The following SLC6A19 variants were observed in gnomAD, a reference collection of about 807,000 sequenced individuals.
SLC6A19 encodes solute carrier family 6 member 19.
In SLC6A19, 67 loss-of-function variants were observed where a neutral mutation model predicts 68.3. That is an observed-to-expected ratio of 0.98 (90% CI 0.81 to 1.20). SLC6A19 has a LOEUF of 1.20. SLC6A19 is among the 50% of genes most tolerant of loss of function. SLC6A19 has a pLI of 0.00. For missense variants in SLC6A19, 813 were observed against 851.6 expected, an observed-to-expected ratio of 0.95 and a Z score of 0.56; for synonymous variants, 392 against 374.9, an observed-to-expected ratio of 1.05 and a Z score of -0.53.
rs748216009 is a variant in SLC6A19 at position 1,219,494 on chromosome 5, C to T, written c.1379-11C>T. On this transcript the variant is annotated splice_polypyrimidine_tract_variant and intron_variant, in intron 9 of 11. Coordinates refer to ENST00000304460, the MANE Select transcript of SLC6A19 (RefSeq NM_001003841.3). ...CTGGGCGTGTGAGCAGCTCTGTCCC[C>T]CGGCCTGCAGGCCTCATCTGCCTGG... is the stretch of plus-strand genomic sequence containing the variant. 18 of 1,609,982 alleles carry T rather than the reference C, an allele frequency of 1.1e-5. No homozygotes were observed. Among genetic ancestry groups the T allele is most frequent in the African/African-American group, 2.7e-5 (2 of 74,944 alleles).
At chr5:1,208,109 C>T (rs1207144150) in intron 1 of SLC6A19, among the ~76,000 whole-genome samples, 1 of 152,204 alleles carries the variant, frequency 6.6e-6, no homozygotes, top group Admixed American at 6.5e-5. Flanking sequence ...GTATTAAAGA[C>T]ATCCACAATG....
chr5:1,208,969 TG>T (rs1341276312), intron 2 of SLC6A19, 83 bp downstream of exon 2: 1 of 1,514,160 alleles, frequency 6.6e-7, no homozygotes, highest in Non-Finnish European at 8.8e-7. Flanking sequence ...GGGTTCGCCT[TG>T]CCGGCCTCGG....
At chr5:1,217,613 A>G (rs1746245180) in intron 8 of SLC6A19, among the ~76,000 whole-genome samples, 1 of 152,224 alleles carries the variant, frequency 6.6e-6, no homozygotes, top group South Asian at 2.1e-4. Flanking sequence ...AGCTGGAGCC[A>G]GGCAGAGGGC....
chr5:1,212,461 C>T lies in SLC6A19; in HGVS notation c.640C>T (p.Arg214Cys), dbSNP rs201070872. ...AWSVLYMCTI[R>C]GIETTGKAVY... is the part of the protein sequence containing the mutation. ...GAGCGTCCTGTACATGTGCACCATC[C>T]GCGGCATCGAGACCACCGGGAAGGT... is the stretch of plus-strand genomic sequence containing the variant. The change falls in exon 4 of 12, where the codon CGC becomes TGC. Residue 214 changes from arginine to cysteine, a missense_variant. Coordinates refer to ENST00000304460, the MANE Select transcript of SLC6A19 (RefSeq NM_001003841.3). This position sits in a 1 kb window ranked among gnomAD's most constrained non-coding sequence, Gnocchi z 5.1. The T allele has an allele frequency of 2.2e-5, 35 of 1,608,812 alleles. No homozygotes were observed. Among genetic ancestry groups the T allele is most frequent in the Middle Eastern group, 1.6e-4 (1 of 6,070 alleles).
Position 1,221,846 on chromosome 5 carries a change from A to G in SLC6A19, c.1847A>G (p.His616Arg), listed in dbSNP as rs776464735. ...AACCACTGCCAGAAGCCAGGGGACC[A>G]TCAGGGGCTGGTGAGCACACTGTCC... Reference protein sequence around the residue: ...IRNHCQKPGDHQGLVSTLSTA... With the variant: ...IRNHCQKPGDRQGLVSTLSTA... Residue 616 changes from histidine to arginine, a missense_variant, in exon 12 of 12, where the codon CAT becomes CGT. By Grantham distance (29) the His-to-Arg change is conservative (BLOSUM62 0). Transcript: ENST00000304460. The G allele has an allele frequency of 1.5e-5, 24 of 1,614,208 alleles. No individual in the cohort carries two copies. Among genetic ancestry groups the G allele is most frequent in the Non-Finnish European group, 2.0e-5 (24 of 1,180,038 alleles).
chr5:1,218,986 C>T lies in SLC6A19; in HGVS notation c.1257C>T (p.Leu419=), dbSNP rs1209428796. Residue 419 remains leucine, a synonymous_variant, in exon 9 of 12, where the codon CTC becomes CTT. Transcript: ENST00000304460. ...KMPLSPLWSV[L]FFIMLFCLGL... ...CGTTGTCCCCACTGTGGTCTGTGCT[C>T]TTCTTCATTATGCTCTTCTGCCTGG... 8 of 1,613,976 alleles carry T rather than the reference C, an allele frequency of 5.0e-6. No individual in the cohort carries two copies. Among genetic ancestry groups the T allele is most frequent in the Admixed American group, 1.7e-5 (1 of 60,008 alleles).
At chr5:1,205,144 G>GCCTCT (rs1745818650) in intron 1 of SLC6A19, among the ~76,000 whole-genome samples, 1 of 152,166 alleles carries the variant, frequency 6.6e-6, no homozygotes, top group South Asian at 2.1e-4. Flanking sequence ...TGGTTTCCAG[G>GCCTCT]GACCTTTGCA....
chr5:1,203,321 C>T (rs1482347255), intron 1 of SLC6A19, among the ~76,000 whole-genome samples: 2 of 152,190 alleles, frequency 1.3e-5, no homozygotes, highest in Non-Finnish European at 1.5e-5. Context: ...AGAGACCAGC[C>T]GCTGTGCACG....
chr5:1,222,019 G>C lies in SLC6A19; in HGVS notation c.*115G>C. On this transcript the variant is annotated 3_prime_UTR_variant, in exon 12 of 12. Coordinates refer to ENST00000304460, the MANE Select transcript of SLC6A19 (RefSeq NM_001003841.3). ...TGTGTGTAAGCGTGAGTGTATGCTC[G>C]TGTGTGAGTGTGTGTATTGTACACG... 1.8e-6 allele frequency: 2 copies of C among 1,102,434 alleles called. No homozygotes were observed. Among genetic ancestry groups the C allele is most frequent in the Non-Finnish European group, 2.6e-6 (2 of 757,036 alleles). 68.3% of individuals were successfully genotyped at this position (1,102,434 alleles called of 1,614,324 possible). A position where few individuals can be genotyped will look rare whatever the true frequency, so the allele number is the denominator to read the frequency against.
intron 1 of SLC6A19, among the ~76,000 whole-genome samples, chr5:1,207,133 AC>A (rs1488346965): frequency 6.6e-6 from 1 of 152,174 alleles, no homozygotes; most frequent in African/African-American, 2.4e-5. Context: ...CACGGCCTGC[AC>A]TCACCTCTGC....
intron 1 of SLC6A19, among the ~76,000 whole-genome samples, chr5:1,207,272 C>T (rs1375344320): frequency 6.6e-6 from 1 of 152,196 alleles, no homozygotes; most frequent in Non-Finnish European, 1.5e-5. Context: ...CCTTGGGCAC[C>T]GTCATGATGC....
chr5:1,202,639 G>A (rs1745741953), intron 1 of SLC6A19, among the ~76,000 whole-genome samples: 1 of 152,042 alleles, frequency 6.6e-6, no homozygotes. Flanking sequence ...AGGTCCAGGA[G>A]GGCCGGGCAC....
At chr5:1,213,271 C>T (rs1255938538) in intron 4 of SLC6A19, among the ~76,000 whole-genome samples, 192 bp from the exon 5 acceptor site, 2 of 32,534 alleles carry the variant, frequency 6.1e-5, no homozygotes. Context: ...CCCATCCCCA[C>T]CCCTCCCACA....
intron 9 of SLC6A19, 66 bp from the exon 10 acceptor site, chr5:1,219,439 C>A (rs1746302780): frequency 4.4e-6 from 7 of 1,595,364 alleles, no homozygotes; most frequent in South Asian, 1.1e-5. Context: ...GTTGTGTGAA[C>A]AGCTCTGTCC....
In SLC6A19 at chr5:1,213,508, T is replaced by C; in HGVS notation, c.709T>C (p.Phe237Leu). 1.9e-6 allele frequency: 3 copies of C among 1,600,870 alleles called. No homozygotes were observed. The highest frequency in any genetic ancestry group is 1.7e-5 in the Admixed American group (1 of 59,224). Residue 237 changes from phenylalanine to leucine, a missense_variant, in exon 5 of 12, where the codon TTC (phenylalanine) becomes CTC (leucine). Coordinates refer to ENST00000304460, the MANE Select transcript of SLC6A19 (RefSeq NM_001003841.3). ...GCTGCCCTATGTCGTCCTGACCATC[T>C]TCCTCATCCGAGGCCTGACGCTGAA... ...STLPYVVLTI[F>L]LIRGLTLKGA...
Position 1,214,286 on chromosome 5 carries a change from C to T in SLC6A19, c.887+221C>T, listed in dbSNP as rs765861234. On this transcript the variant is annotated intron_variant, in intron 6 of 11. Coordinates refer to ENST00000304460, the MANE Select transcript of SLC6A19 (RefSeq NM_001003841.3). This position sits in a 1 kb window ranked among gnomAD's most constrained non-coding sequence, Gnocchi z 7.4. ...CCTGTGAGGAGGGCCAGGAGCCGGG[C>T]GCCTGCAGCTTTCCCCACACCCGTC... Among the ~76,000 whole-genome samples the T allele has an allele frequency of 2.6e-4, 40 of 152,192 alleles. No individual in the cohort carries two copies. The highest frequency in any genetic ancestry group is 5.2e-4 in the Admixed American group (8 of 15,296).
intron 8 of SLC6A19, 124 bp downstream of exon 8, chr5:1,217,069 G>T: frequency 6.8e-7 from 1 of 1,464,870 alleles, no homozygotes; most frequent in Non-Finnish European, 9.4e-7. Flanking sequence ...GGGAGGCCCA[G>T]CTCCCACTGT....
At position 1,212,074 on chromosome 5, in the gene SLC6A19, G is replaced by T. The variant is rs1309300344; in HGVS notation, c.482-229G>T. ...GCATGTGCATGTGTGGGGTGTGCAG[G>T]TGCATGGACCAGATGTGCACACGAG... On this transcript the variant is annotated intron_variant, in intron 3 of 11. Transcript: ENST00000304460. This position sits in a 1 kb window ranked among gnomAD's most constrained non-coding sequence, Gnocchi z 5.1. Among the ~76,000 whole-genome samples, 4 of 150,818 alleles carry T rather than the reference G, an allele frequency of 2.7e-5. No individual in the cohort carries two copies. The East Asian group carries it at 5.9e-4, about 22-fold the overall frequency.
Position 1,222,672 on chromosome 5 carries a change from C to T in SLC6A19, c.*768C>T, listed in dbSNP as rs573748796. On this transcript the variant is annotated 3_prime_UTR_variant, in exon 12 of 12. Transcript: ENST00000304460. ...GTGTATGTATGTGCGCATATGGACACGCATGGACACGCATATGGACACATA... is the reference window on the plus strand; with the variant it reads ...GTGTATGTATGTGCGCATATGGACATGCATGGACACGCATATGGACACATA... The T allele has an allele frequency of 1.5e-4, 30 of 197,512 alleles. 1 individual carries two copies. The highest frequency in any genetic ancestry group is 1.8e-3 in the Middle Eastern group (1 of 548). The allele number at this position is 197,512 out of a possible 1,614,324, so 12.2% of individuals were successfully genotyped here.
Sources: allele counts gnomAD v4.1 joint callset (sites outside exome capture counted in the v4.1 genomes callset), GRCh38; gene constraint gnomAD v4.1.1; non-coding constraint Gnocchi (gnomAD v3.1); transcripts MANE v1.5; gene names NCBI Gene and HGNC (gene_info 2026-07-23, HGNC 2026-07-21).